Variants in ADGRV1 observed in about 807,000 individuals in gnomAD.
The protein encoded by ADGRV1 is adhesion G protein-coupled receptor V1.
Under a neutral mutation model 596.2 loss-of-function variants are expected in ADGRV1, and 359 were observed. The observed-to-expected ratio is 0.60, with a 90% CI of 0.55 to 0.66. The LOEUF is 0.66. Ranked by LOEUF, ADGRV1 falls within the 30% of genes least tolerant of loss-of-function variation. The pLI, the probability that ADGRV1 is intolerant of heterozygous loss-of-function variation, is 0.00. For missense variants in ADGRV1, 7,274 were observed against 7,575.6 expected (o/e 0.96, Z 1.48); for synonymous variants, 2,681 against 2,679.2 (o/e 1.00, Z -0.02).
intron 21 of ADGRV1, among the ~76,000 whole-genome samples, 164 bp from the exon 22 acceptor site, chr5:90,672,382 A>G (rs1458244999): frequency 6.6e-6 from 1 of 152,190 alleles, no homozygotes; most frequent in Non-Finnish European, 1.5e-5. Context: ...ATTTCTTAGC[A>G]GTCAAAGTTT....
At chr5:90,675,624 A>G (rs1396891805) in intron 24 of ADGRV1, among the ~76,000 whole-genome samples, 179 bp downstream of exon 24, 1 of 151,972 alleles carries the variant, frequency 6.6e-6, no homozygotes, top group African/African-American at 2.4e-5. Flanking sequence ...GTCGCAAGTC[A>G]CTTTCTCTAC....
chr5:91,154,555 C>T (rs139404224), intron 89 of ADGRV1, among the ~76,000 whole-genome samples: 2,426 of 152,326 alleles, frequency 0.016, 56 homozygotes, highest in African/African-American at 0.053. Flanking sequence ...CGCTGTGGCA[C>T]AACCGCCTCT....
chr5:90,720,575 A>G (rs1750781448), intron 44 of ADGRV1, among the ~76,000 whole-genome samples: 1 of 152,214 alleles, frequency 6.6e-6, no homozygotes, highest in Non-Finnish European at 1.5e-5. Context: ...TCAAATATAT[A>G]TTAACATGAT....
At position 90,653,793 on chromosome 5, in the gene ADGRV1, G is replaced by A. The variant is rs1769004655; in HGVS notation, c.4219G>A (p.Ala1407Thr). The A allele has an allele frequency of 6.2e-7, 1 of 1,613,502 alleles. No individual in the cohort carries two copies. Among genetic ancestry groups the A allele is most frequent in the East Asian group, 2.2e-5 (1 of 44,876 alleles). The change falls in exon 20 of 90, where the codon GCT becomes ACT. Residue 1407 changes from alanine (A) to threonine (T), a missense_variant. Transcript: ENST00000405460. ...TCATTATAAAACCTTGGGTTCCAATGCTACATACATTGCCAAGACAACAGT... is the reference window on the plus strand; with the variant it reads ...TCATTATAAAACCTTGGGTTCCAATACTACATACATTGCCAAGACAACAGT... The part of the protein sequence containing the change: ...SLHYKTLGSN[A>T]TYIAKTTVMK...
chr5:90,728,635 C>A (rs777248641), intron 48 of ADGRV1, 34 bp from the exon 49 acceptor site: 1 of 1,569,794 alleles, frequency 6.4e-7, no homozygotes, highest in Non-Finnish European at 8.7e-7. Flanking sequence ...AATTCCTAGT[C>A]ATAAAGGGTT....
chr5:90,778,887 C>T lies in ADGRV1; in HGVS notation c.12872C>T (p.Ser4291Phe). The T allele has an allele frequency of 6.2e-7, 1 of 1,612,678 alleles. No homozygotes were observed. Among genetic ancestry groups the T allele is most frequent in the Admixed American group, 1.7e-5 (1 of 59,964 alleles). Reference protein sequence around the residue: ...AQRVNITIIRSSGDFGHVRLW... With the variant: ...AQRVNITIIRFSGDFGHVRLW... ...TAGGTTAACATCACAATCATCCGTT[C>T]CAGTGGAGATTTTGGCCATGTGCGA... is the stretch of plus-strand genomic sequence containing the variant. Residue 4291 changes from serine (S) to phenylalanine (F), a missense_variant, in exon 64 of 90, where the codon TCC becomes TTC. Ser to Phe is a radical substitution (Grantham distance 155, BLOSUM62 -2). This residue lies in a region of ADGRV1 where 3,643 missense variants were observed against 3,809.2 expected (regional missense o/e 0.96). Transcript: ENST00000405460.
chr5:90,850,164 A>T (rs911337315), intron 79 of ADGRV1, among the ~76,000 whole-genome samples: 2 of 152,092 alleles, frequency 1.3e-5, no homozygotes, highest in African/African-American at 4.8e-5. Context: ...TCATAGCAAA[A>T]TCTGCCCCCT....
chr5:90,982,391 T>C (rs1780149337), intron 84 of ADGRV1, among the ~76,000 whole-genome samples: 1 of 152,156 alleles, frequency 6.6e-6, no homozygotes, highest in African/African-American at 2.4e-5. Flanking sequence ...CCATCTTCTT[T>C]TGGTTTTTAA....
At chr5:90,910,559 CTATCTAT>C (rs1561927685) in intron 83 of ADGRV1, among the ~76,000 whole-genome samples, 23 of 28,292 alleles carry the variant, frequency 8.1e-4, no homozygotes, top group Non-Finnish European at 1.4e-3. Context: ...TATTATCTAT[CTATCTAT>C]CTATCTATCT....
intron 1 of ADGRV1, chr5:90,614,202 A>G (rs1275108340): frequency 2.6e-6 from 1 of 387,120 alleles, no homozygotes; most frequent in South Asian, 2.0e-5. Flanking sequence ...AAGGAAATAT[A>G]TACTTTGGCA....
At chr5:90,916,111 C>A (rs1773329122) in intron 83 of ADGRV1, among the ~76,000 whole-genome samples, 1 of 151,526 alleles carries the variant, frequency 6.6e-6, no homozygotes, top group African/African-American at 2.4e-5. Flanking sequence ...ATGTCATTGG[C>A]CTCTCACTGA....
At chr5:90,567,922 T>C (rs545851126) in intron 1 of ADGRV1, among the ~76,000 whole-genome samples, 9 of 152,068 alleles carry the variant, frequency 5.9e-5, no homozygotes, top group Non-Finnish European at 1.2e-4. Context: ...GTATTTTTAG[T>C]AGGACAGAGT....
chr5:90,903,332 A>T (rs1772024737), intron 83 of ADGRV1, among the ~76,000 whole-genome samples: 1 of 152,026 alleles, frequency 6.6e-6, no homozygotes, highest in Admixed American at 6.6e-5. Context: ...TTAGATGGAG[A>T]TAAATTTCTG....
chr5:90,961,606 G>A (rs919529876), intron 83 of ADGRV1, among the ~76,000 whole-genome samples: 1 of 151,464 alleles, frequency 6.6e-6, no homozygotes, highest in Non-Finnish European at 1.5e-5. Context: ...AAGGAGCACT[G>A]AGAATTGAGG....
In ADGRV1 at chr5:90,694,364, G is replaced by C. The variant is rs755909394; in HGVS notation, c.7608G>C (p.Glu2536Asp). The change falls in exon 33 of 90, where the codon GAG (glutamate) becomes GAC (aspartate). Residue 2536 changes from glutamate (E) to aspartate (D), a missense_variant. Physicochemically the swap from Glu to Asp is conservative, Grantham distance 45 (BLOSUM62 2). Around this residue, in one of 5 missense-constraint regions of ADGRV1, gnomAD observed 3,643 missense variants for 3,809.2 expected, o/e 0.96. Transcript: ENST00000405460. ...CTGATGATTTCCCAGAGATGGATGA[G>C]AGTTTTCTAATTTCTCTCCTTGAAG... ...ILPDDFPEMD[E>D]SFLISLLEVH... The C allele has an allele frequency of 6.2e-7, 1 of 1,613,968 alleles. No homozygotes were observed. Among genetic ancestry groups the C allele is most frequent in the South Asian group, 1.1e-5 (1 of 91,088 alleles).
At chr5:90,596,727 C>T (rs555532387) in intron 1 of ADGRV1, among the ~76,000 whole-genome samples, 2 of 152,272 alleles carry the variant, frequency 1.3e-5, no homozygotes, top group African/African-American at 2.4e-5. Context: ...TGCAGTGAGC[C>T]GAGATGGCAG....
intron 86 of ADGRV1, among the ~76,000 whole-genome samples, chr5:91,084,966 A>G (rs1021857987): frequency 2.0e-5 from 3 of 152,236 alleles, no homozygotes; most frequent in Non-Finnish European, 2.9e-5. Flanking sequence ...ATTCTCAGCA[A>G]ACTATCACAA....
At chr5:90,823,232 T>A (rs185882370) in intron 75 of ADGRV1, among the ~76,000 whole-genome samples, 193 bp from the exon 76 acceptor site, 1 of 152,214 alleles carries the variant, frequency 6.6e-6, no homozygotes, top group Non-Finnish European at 1.5e-5. Context: ...CCCTGAGGCT[T>A]AATCCTCTTA....
Position 90,745,092 on chromosome 5 carries a change from G to A in ADGRV1, c.10596G>A (p.Trp3532Ter). Residue 3532 changes from tryptophan (W) to a stop codon, truncating the protein, a stop_gained, in exon 51 of 90, where the codon TGG becomes TGA. Transcript: ENST00000405460. LOFTEE classifies it high-confidence loss of function. ...AAGATATGTCTGCTCTTTACTGCTGGAATTCGGAGCGTAATCAATTCTCTT... is the reference window on the plus strand; with the variant it reads ...AAGATATGTCTGCTCTTTACTGCTGAAATTCGGAGCGTAATCAATTCTCTT... ...IGQDMSALYC[W>*]NSERNQFSFV... 6.2e-7 allele frequency: 1 copy of A among 1,613,766 alleles called. No homozygotes were observed. The highest frequency in any genetic ancestry group is 8.5e-7 in the Non-Finnish European group (1 of 1,179,784).
Sources: allele counts gnomAD v4.1 joint callset (sites outside exome capture counted in the v4.1 genomes callset), GRCh38; gene constraint gnomAD v4.1.1; regional missense constraint gnomAD v4.1.1; transcripts MANE v1.5; gene names NCBI Gene and HGNC (gene_info 2026-07-23, HGNC 2026-07-21).